Variants in PRLR observed in about 807,000 individuals in gnomAD.
The protein encoded by PRLR is prolactin receptor.
A neutral mutation model predicts 40.2 loss-of-function variants in PRLR; 13 were observed. The observed-to-expected ratio is 0.32, with a 90% CI of 0.21 to 0.51. The LOEUF (loss-of-function observed/expected upper bound fraction) is 0.51. Ranked by LOEUF, PRLR falls within the 20% of genes least tolerant of loss-of-function variation. The probability of loss-of-function intolerance (pLI) is 0.97; values close to 1 mark genes in which losing one functional copy is unlikely to be tolerated. For synonymous variants in PRLR, 269 were observed against 278.7 expected (o/e 0.97, Z 0.35); for missense variants, 656 against 747.3 (o/e 0.88, Z 1.42).
In PRLR at chr5:35,095,962, G is replaced by A. The variant is rs1424333275; in HGVS notation, c.-43-6299C>T. Reference sequence around the variant, plus strand: ...TCCTAGAAATCCCAAAGGTTCCACTGAGGAAAGAACTTCCTGAAGACTCTG... The same window carrying A: ...TCCTAGAAATCCCAAAGGTTCCACTAAGGAAAGAACTTCCTGAAGACTCTG... On this transcript the variant is annotated intron_variant, in intron 2 of 9. Coordinates refer to ENST00000618457, the MANE Select transcript of PRLR (RefSeq NM_000949.7). Among the ~76,000 whole-genome samples, 4 of 152,180 alleles carry A rather than the reference G, an allele frequency of 2.6e-5. No individual in the cohort carries two copies. In the East Asian group the frequency reaches 7.7e-4, roughly 29 times the overall value.
chr5:35,208,947 T>C (rs867406586), intron 1 of PRLR, among the ~76,000 whole-genome samples: 19 of 152,152 alleles, frequency 1.2e-4, no homozygotes, highest in Admixed American at 7.9e-4. Flanking sequence ...ATTAGCAAAA[T>C]CAGTACATCC....
At chr5:35,196,714 G>A (rs1775746889) in intron 1 of PRLR, among the ~76,000 whole-genome samples, 1 of 152,222 alleles carries the variant, frequency 6.6e-6, no homozygotes, top group Non-Finnish European at 1.5e-5. Flanking sequence ...CTAGGTGAAG[G>A]CTAATCAAGA....
intron 1 of PRLR, chr5:35,194,980 T>C (rs1775697341): frequency 6.6e-6 from 1 of 152,234 alleles, no homozygotes; most frequent in Admixed American, 6.5e-5. Context: ...ATGTTATTAA[T>C]AGAAGAAACT....
At chr5:35,164,222 T>G (rs972220139) in intron 1 of PRLR, among the ~76,000 whole-genome samples, 1 of 152,186 alleles carries the variant, frequency 6.6e-6, no homozygotes, top group Non-Finnish European at 1.5e-5. Context: ...GAATGGAAAC[T>G]TATACAACCA....
At chr5:35,070,365 A>T in intron 6 of PRLR, 100 bp from the exon 7 acceptor site, 1 of 1,272,074 alleles carries the variant, frequency 7.9e-7, no homozygotes, top group Non-Finnish European at 1.1e-6. Flanking sequence ...GAACAATCAT[A>T]TACAGAGAAT....
chr5:35,217,473 G>A (rs1776312270), intron 1 of PRLR, among the ~76,000 whole-genome samples: 1 of 152,148 alleles, frequency 6.6e-6, no homozygotes, highest in African/African-American at 2.4e-5. Context: ...CTTGAGTTTA[G>A]AAAGGAAGCT....
chr5:35,173,526 C>T (rs55969337), intron 1 of PRLR, among the ~76,000 whole-genome samples: 1,852 of 152,250 alleles, frequency 0.012, 42 homozygotes, highest in African/African-American at 0.041. Context: ...GCAAGACTGA[C>T]CTGAAGTCCA....
At chr5:35,084,951 C>T (rs1355776020) in intron 4 of PRLR, among the ~76,000 whole-genome samples, 1 of 152,186 alleles carries the variant, frequency 6.6e-6, no homozygotes, top group Non-Finnish European at 1.5e-5. Context: ...TTCAATGGCC[C>T]AGGCACCACC....
At chr5:35,049,099 C>T in exon 9 of PRLR, 1 of 688,154 alleles carries the variant, frequency 1.5e-6, no homozygotes, top group Non-Finnish European at 2.7e-6. Context: ...TTCCAGCTCC[C>T]AGTCAATTCT....
At chr5:35,116,034 T>C (rs1284855684) in intron 2 of PRLR, among the ~76,000 whole-genome samples, 1 of 152,184 alleles carries the variant, frequency 6.6e-6, no homozygotes. Flanking sequence ...TGCTTTCAAG[T>C]TCCTGCCTGT....
At chr5:35,131,758 A>G (rs772616129) in intron 1 of PRLR, among the ~76,000 whole-genome samples, 3 of 152,274 alleles carry the variant, frequency 2.0e-5, no homozygotes, top group Non-Finnish European at 4.4e-5. Flanking sequence ...AAGTGAAGTT[A>G]TCACAGTCAG....
chr5:35,214,213 T>G (rs1042272109), intron 1 of PRLR, among the ~76,000 whole-genome samples: 2 of 152,210 alleles, frequency 1.3e-5, no homozygotes, highest in Non-Finnish European at 2.9e-5. Flanking sequence ...GCTAATCTCC[T>G]AGCTTCATCT....
At chr5:35,139,572 G>T (rs1773955784) in intron 1 of PRLR, among the ~76,000 whole-genome samples, 1 of 152,134 alleles carries the variant, frequency 6.6e-6, no homozygotes, top group Admixed American at 6.6e-5. Flanking sequence ...TAAAAATAGG[G>T]ATTTTCCTAG....
At chr5:35,101,073 A>C (rs1408832155) in intron 2 of PRLR, among the ~76,000 whole-genome samples, 1 of 152,210 alleles carries the variant, frequency 6.6e-6, no homozygotes, top group Non-Finnish European at 1.5e-5. Context: ...GCAGTGATTA[A>C]GACGGAAGCC....
chr5:35,150,126 C>T (rs535549813), intron 1 of PRLR, among the ~76,000 whole-genome samples: 69 of 152,298 alleles, frequency 4.5e-4, no homozygotes, highest in Middle Eastern at 3.4e-3. Flanking sequence ...TCAGGTGATA[C>T]GCCCACCTTG....
At chr5:35,188,362 T>G (rs1044300434) in intron 1 of PRLR, among the ~76,000 whole-genome samples, 1 of 152,226 alleles carries the variant, frequency 6.6e-6, no homozygotes, top group Admixed American at 6.5e-5. Flanking sequence ...AGCTGCTCCT[T>G]GGGCAGCCTG....
chr5:35,066,203 G>A (rs1769362010), intron 9 of PRLR, 101 bp from the exon 10 acceptor site: 1 of 1,182,982 alleles, frequency 8.5e-7, no homozygotes, highest in East Asian at 2.5e-5. Flanking sequence ...AAGCAGGTGG[G>A]AAGATCTCAA....
intron 1 of PRLR, among the ~76,000 whole-genome samples, chr5:35,198,144 C>T (rs551048293): frequency 6.6e-6 from 1 of 152,362 alleles, no homozygotes; most frequent in East Asian, 1.9e-4. Flanking sequence ...GCTAACACTG[C>T]TGACACAGTT....
chr5:35,202,535 C>T (rs1775910037), intron 1 of PRLR, among the ~76,000 whole-genome samples: 1 of 152,158 alleles, frequency 6.6e-6, no homozygotes, highest in Non-Finnish European at 1.5e-5. Context: ...AACTGCTCCC[C>T]CTTCTGGCCA....
Sources: gnomAD v4.1 joint callset for allele counts (sites outside exome capture counted in the v4.1 genomes callset) on GRCh38, gnomAD v4.1.1 for gene constraint, MANE v1.5 for transcripts, NCBI Gene and HGNC (gene_info 2026-07-23, HGNC 2026-07-21) for gene names.